Variants in ZNF782 observed in about 807,000 individuals in gnomAD.
ZNF782 encodes the protein zinc finger protein 782.
In ZNF782, 12 loss-of-function variants were observed where a neutral mutation model predicts 13.0. That is an observed-to-expected ratio of 0.92 (90% CI 0.59 to 1.50). ZNF782 has a LOEUF of 1.50. ZNF782 is among the 40% of genes most tolerant of loss of function. The pLI is 0.00. For missense variants in ZNF782, 770 were observed against 822.9 expected, an observed-to-expected ratio of 0.94 and a Z score of 0.79; for synonymous variants, 284 against 283.0, an observed-to-expected ratio of 1.00 and a Z score of -0.04.
the ZNF782 span, among the ~76,000 whole-genome samples, chr9:96,899,258 A>T: frequency 6.6e-6 from 1 of 151,746 alleles, no homozygotes; most frequent in Non-Finnish European, 1.5e-5. Flanking sequence ...CTCAAAAAAA[A>T]AATTATAGTT....
At chr9:96,837,652 A>G (rs1316922906) in intron 4 of ZNF782, among the ~76,000 whole-genome samples, 2 of 152,140 alleles carry the variant, frequency 1.3e-5, no homozygotes, top group African/African-American at 4.8e-5. Context: ...TCCTTAATGT[A>G]TGCGTTTATA....
the ZNF782 span, chr9:96,893,056 T>C: frequency 3.3e-5 from 5 of 152,178 alleles, no homozygotes; most frequent in African/African-American, 9.7e-5. Context: ...TTAATTCCAG[T>C]ATGTCAAGTC....
chr9:96,825,690 G>T (rs1850592830), intron 5 of ZNF782, among the ~76,000 whole-genome samples: 1 of 152,056 alleles, frequency 6.6e-6, no homozygotes, highest in African/African-American at 2.4e-5. Context: ...AATCTACAAA[G>T]AACTCAAATT....
At chr9:96,920,654 C>T in the ZNF782 span, among the ~76,000 whole-genome samples, 7 of 150,052 alleles carry the variant, frequency 4.7e-5, no homozygotes, top group African/African-American at 7.4e-5. Flanking sequence ...CAGTGGCTCA[C>T]GCCTGTAATC....
intron 3 of ZNF782, among the ~76,000 whole-genome samples, chr9:96,851,596 A>G (rs1342895728): frequency 6.6e-6 from 1 of 152,214 alleles, no homozygotes. Flanking sequence ...AACTTACTAC[A>G]CTCATTAGCA....
chr9:96,844,347 T>TATCCAAC (rs1851279703), intron 4 of ZNF782, among the ~76,000 whole-genome samples: 3 of 152,204 alleles, frequency 2.0e-5, no homozygotes, highest in African/African-American at 7.2e-5. Context: ...ATTCCGTATG[T>TATCCAAC]TGACCAACTG....
chr9:96,874,132 C>A (rs1360209250), intron 1 of ZNF782, among the ~76,000 whole-genome samples: 1 of 152,144 alleles, frequency 6.6e-6, no homozygotes, highest in East Asian at 1.9e-4. Flanking sequence ...CCCATCAATA[C>A]AAAAGAACAA....
chr9:96,887,069 T>C, the ZNF782 span, among the ~76,000 whole-genome samples: 3 of 151,856 alleles, frequency 2.0e-5, no homozygotes, highest in African/African-American at 7.2e-5. Context: ...ATCCCAGCAT[T>C]TTGGGAGGCC....
At chr9:96,844,608 A>T (rs1851292357) in intron 4 of ZNF782, among the ~76,000 whole-genome samples, 1 of 152,168 alleles carries the variant, frequency 6.6e-6, no homozygotes, top group Non-Finnish European at 1.5e-5. Flanking sequence ...GACTCACTGC[A>T]AAGGGCTACA....
At chr9:96,929,312 G>T in the ZNF782 span, among the ~76,000 whole-genome samples, 1 of 152,082 alleles carries the variant, frequency 6.6e-6, no homozygotes, top group African/African-American at 2.4e-5. Context: ...GAGGGGGACA[G>T]GTCACGTCAT....
the ZNF782 span, chr9:96,892,456 C>T: frequency 2.0e-5 from 3 of 152,248 alleles, no homozygotes; most frequent in Non-Finnish European, 4.4e-5. Flanking sequence ...TTCGGTGTGA[C>T]TGTCATGCGT....
At chr9:96,911,028 A>C in the ZNF782 span, among the ~76,000 whole-genome samples, 1 of 138,530 alleles carries the variant, frequency 7.2e-6, no homozygotes, top group African/African-American at 2.7e-5. Flanking sequence ...AGGGTCAGCC[A>C]CCTTTAATGA....
chr9:96,922,343 T>C, the ZNF782 span, among the ~76,000 whole-genome samples: 4 of 152,226 alleles, frequency 2.6e-5, no homozygotes, highest in Non-Finnish European at 5.9e-5. Context: ...CTGTTATACC[T>C]TGTTGCTTCT....
In ZNF782 at chr9:96,851,958, T is replaced by G; in HGVS notation, c.4A>C (p.Asn2His). 1 of 1,614,104 alleles carries G rather than the reference T, an allele frequency of 6.2e-7. No homozygotes were observed. The highest frequency in any genetic ancestry group is 8.5e-7 in the Non-Finnish European group (1 of 1,179,932). Reference protein sequence around the residue: MNTFQASVSFQD... With the variant: MHTFQASVSFQD... ...AATAAAAAGCTTACCTGAAATGTGT[T>G]CATTTTCTGTGGCTCTTGGGAGAGT... The change falls in exon 3 of 6, where the codon AAC (asparagine) becomes CAC (histidine). Residue 2 changes from asparagine to histidine, a missense_variant. By Grantham distance (68) the Asn-to-His change is moderately conservative. Transcript: ENST00000481138.
chr9:96,899,109 A>AT, the ZNF782 span, among the ~76,000 whole-genome samples: 4 of 149,496 alleles, frequency 2.7e-5, no homozygotes, highest in Non-Finnish European at 5.9e-5. Flanking sequence ...ATCATATAGT[A>AT]TTTTTCCTTT....
chr9:96,907,061 A>C, the ZNF782 span, among the ~76,000 whole-genome samples: 2 of 151,992 alleles, frequency 1.3e-5, no homozygotes. Flanking sequence ...AGATATTTGT[A>C]TACCCATGTT....
chr9:96,879,977 T>C (rs1404633643), upstream of ZNF782, among the ~76,000 whole-genome samples: 1 of 152,198 alleles, frequency 6.6e-6, no homozygotes, highest in Non-Finnish European at 1.5e-5. Context: ...TGCCTTTTCT[T>C]TTCTTACATT....
At chr9:96,897,351 T>TG in the ZNF782 span, among the ~76,000 whole-genome samples, 138 of 152,238 alleles carry the variant, frequency 9.1e-4, 1 homozygote, top group South Asian at 1.7e-3. Flanking sequence ...CAGGCAAAGG[T>TG]GGGGAGCTGG....
chr9:96,834,033 G>A (rs1005336817), intron 4 of ZNF782, among the ~76,000 whole-genome samples: 3 of 152,186 alleles, frequency 2.0e-5, no homozygotes, highest in Non-Finnish European at 4.4e-5. Flanking sequence ...CCTTAATGCA[G>A]TGTTGAGAGG....
Sources: gnomAD v4.1 joint callset for allele counts (sites outside exome capture counted in the v4.1 genomes callset) on GRCh38, gnomAD v4.1.1 for gene constraint, MANE v1.5 for transcripts, NCBI Gene and HGNC (gene_info 2026-07-23, HGNC 2026-07-21) for gene names.